LSR: variants seen among roughly 807,000 people sequenced by gnomAD.
LSR encodes lipolysis stimulated lipoprotein receptor, also known as lipolysis-stimulated lipoprotein receptor.
A neutral mutation model predicts 61.8 loss-of-function variants in LSR; 44 were observed. That is an observed-to-expected ratio of 0.71 (90% CI 0.56 to 0.91). LSR has a LOEUF of 0.91. LSR is among the 40% of genes least tolerant of loss of function. LSR has a pLI of 0.00. For synonymous variants in LSR, 397 were observed against 350.6 expected (o/e 1.13, Z -1.48); for missense variants, 911 against 830.5 (o/e 1.10, Z -1.19).
intron 2 of LSR, among the ~76,000 whole-genome samples, chr19:35,251,282 T>C (rs2065790260): frequency 6.6e-6 from 1 of 152,110 alleles, no homozygotes; most frequent in Non-Finnish European, 1.5e-5. Context: ...CGACACACAC[T>C]CTCAAGTCCT....
intron 1 of LSR, among the ~76,000 whole-genome samples, chr19:35,249,663 A>G (rs2065765208): frequency 6.6e-6 from 1 of 152,066 alleles, no homozygotes. Context: ...GTCTGGTGGG[A>G]TGGATTTACG....
At chr19:35,254,153 G>C (rs1225982372) in intron 2 of LSR, among the ~76,000 whole-genome samples, 3 of 152,166 alleles carry the variant, frequency 2.0e-5, no homozygotes, top group Admixed American at 1.3e-4. Context: ...GAGTGCAGTG[G>C]TGCAATCTCA....
Position 35,266,711 on chromosome 19 carries a change from C to G in LSR, c.985C>G (p.Arg329Gly), listed in dbSNP as rs1363977091. Residue 329 changes from arginine to glycine, a missense_variant, in exon 7 of 10, where the codon CGG becomes GGG. Transcript: ENST00000605618. ...CCAAGGCTCCTATGTACCCCTGCTTCGGGACACGGACAGCAGTGTGGCCTC... is the reference window on the plus strand; with the variant it reads ...CCAAGGCTCCTATGTACCCCTGCTTGGGGACACGGACAGCAGTGTGGCCTC... Reference protein sequence around the residue: ...GGQGSYVPLLRDTDSSVASEV... With the variant: ...GGQGSYVPLLGDTDSSVASEV... The G allele has an allele frequency of 1.2e-6, 2 of 1,608,852 alleles. No homozygotes were observed. Among genetic ancestry groups the G allele is most frequent in the East Asian group, 2.2e-5 (1 of 44,698 alleles).
chr19:35,265,463 T>A (rs2065984852), intron 5 of LSR, among the ~76,000 whole-genome samples: 1 of 152,214 alleles, frequency 6.6e-6, no homozygotes. Flanking sequence ...GCAGGCTGCC[T>A]GAGCTAATGA....
At chr19:35,253,019 TTGAAA>T (rs146944349) in intron 2 of LSR, among the ~76,000 whole-genome samples, 18,036 of 151,164 alleles carry the variant, frequency 0.12, 1,248 homozygotes, top group South Asian at 0.23. Context: ...AGACCCTGTC[TTGAAA>T]TGAAAAGAAA....
At position 35,267,679 on chromosome 19, in the gene LSR, C is replaced by A. The variant is rs756385880; in HGVS notation, c.1715C>A (p.Pro572Gln). 3 of 1,604,398 alleles carry A rather than the reference C, an allele frequency of 1.9e-6. No homozygotes were observed. In the East Asian group the frequency reaches 6.7e-5, roughly 36 times the overall value. Residue 572 changes from proline to glutamine, a missense_variant, in exon 9 of 10, where the codon CCG (proline) becomes CAG (glutamine). Physicochemically the swap from Pro to Gln is moderately conservative, Grantham distance 76. Transcript: ENST00000605618. Reference protein sequence around the residue: ...EEEEAYYPPAPPPYSETDSQA... With the variant: ...EEEEAYYPPAQPPYSETDSQA... ...GAAGAGGCCTACTACCCGCCCGCGC[C>A]GCCCCCGTACTCGGAGACCGACTCG...
In LSR at chr19:35,267,531, A is replaced by T; in HGVS notation, c.1567A>T (p.Thr523Ser). ...PADPRSHHHR[T>S]RDPRDNGSRS... ...CGACCCCAGGTCCCACCACCACCGT[A>T]CCCGGGACCCTCGGGACAACGGCTC... The change falls in exon 9 of 10, where the codon ACC becomes TCC. Residue 523 changes from threonine (T) to serine (S), a missense_variant. Coordinates refer to ENST00000605618, the MANE Select transcript of LSR (RefSeq NM_205834.4). 1 of 1,612,108 alleles carries T rather than the reference A, an allele frequency of 6.2e-7. No homozygotes were observed. Among genetic ancestry groups the T allele is most frequent in the South Asian group, 1.1e-5 (1 of 91,006 alleles).
rs2066044056 is a variant in LSR at position 35,267,752 on chromosome 19, T to G, written c.1770+18T>G. The stretch of plus-strand genomic sequence containing the variant: ...TCAAGAAGGTGAGGGCCGCCCTCCC[T>G]GGCGTCCAGACCGTCCCTGGGCCCC... On this transcript the variant is annotated intron_variant, in intron 9 of 9. Coordinates refer to ENST00000605618, the MANE Select transcript of LSR (RefSeq NM_205834.4). 2 of 1,611,010 alleles carry G rather than the reference T, an allele frequency of 1.2e-6. No homozygotes were observed. The highest frequency in any genetic ancestry group is 2.7e-5 in the African/African-American group (2 of 74,566).
At chr19:35,261,051 T>C (rs1460733709) in intron 3 of LSR, among the ~76,000 whole-genome samples, 1 of 152,242 alleles carries the variant, frequency 6.6e-6, no homozygotes, top group Non-Finnish European at 1.5e-5. Context: ...TGCGAGGGCC[T>C]ATAGTGCCAA....
chr19:35,257,887 G>A (rs1319697205), intron 2 of LSR, among the ~76,000 whole-genome samples: 1 of 152,168 alleles, frequency 6.6e-6, no homozygotes, highest in African/African-American at 2.4e-5. Context: ...AGACAAGAGC[G>A]TCCCCAAGCC....
intron 2 of LSR, among the ~76,000 whole-genome samples, chr19:35,256,069 A>G (rs1307844538): frequency 1.3e-5 from 2 of 152,148 alleles, no homozygotes; most frequent in Non-Finnish European, 2.9e-5. Context: ...ACCTGTCTCT[A>G]CTAAAAATAC....
At chr19:35,250,117 C>A (rs2065771186) in intron 1 of LSR, among the ~76,000 whole-genome samples, 198 bp from the exon 2 acceptor site, 1 of 152,158 alleles carries the variant, frequency 6.6e-6, no homozygotes, top group African/African-American at 2.4e-5. Context: ...GTGCACCTGC[C>A]ACTTCAGCCC....
At position 35,249,337 on chromosome 19, in the gene LSR, GGAA is replaced by G. The variant is rs1304870235; in HGVS notation, c.109+209_109+211del. 6.8e-5 allele frequency: 40 copies of G among 589,956 alleles called. No individual in the cohort carries two copies. In the Admixed American group the frequency reaches 1.5e-3, roughly 23 times the overall value. 36.5% of individuals were successfully genotyped at this position (589,956 alleles called of 1,614,324 possible). ...GGGAGCGCTCCCCGCGCCCTTATCT[GGAA>G]GATAGCAGGAAGTGAAACTCCCTGG... On this transcript the variant is annotated intron_variant, in intron 1 of 9. Transcript: ENST00000605618.
At chr19:35,259,996 G>A (rs893834436) in intron 3 of LSR, among the ~76,000 whole-genome samples, 5 of 152,186 alleles carry the variant, frequency 3.3e-5, no homozygotes, top group African/African-American at 7.2e-5. Context: ...GAGTGATGCC[G>A]CTGGGCTGTA....
chr19:35,258,799 A>C, intron 2 of LSR, 146 bp from the exon 3 acceptor site: 1 of 973,362 alleles, frequency 1.0e-6, no homozygotes, highest in Non-Finnish European at 1.6e-6. Context: ...CTTGGTAGGA[A>C]TCTTTGCATA....
Position 35,267,131 on chromosome 19 carries a change from C to T in LSR, c.1167C>T (p.Leu389=). The change falls in exon 9 of 10, where the codon CTC becomes CTT. Residue 389 remains leucine (L), a synonymous_variant. Coordinates refer to ENST00000605618, the MANE Select transcript of LSR (RefSeq NM_205834.4). ...VERAMSEVTS[L]HEDDWRSRPS... ...CAGCCATGAGTGAAGTCACCTCCCT[C>T]CACGAGGACGACTGGCGATCTCGGC... 2 of 1,529,496 alleles carry T rather than the reference C, an allele frequency of 1.3e-6. No homozygotes were observed. Among genetic ancestry groups the T allele is most frequent in the Non-Finnish European group, 1.7e-6 (2 of 1,142,940 alleles). 94.7% of individuals were successfully genotyped at this position (1,529,496 alleles called of 1,614,324 possible). A position where few individuals can be genotyped will look rare whatever the true frequency, so the allele number is the denominator to read the frequency against.
rs759562432 is a variant in LSR, at chr19:35,267,511, C to A, written c.1547C>A (p.Pro516His). The change falls in exon 9 of 10, where the codon CCC becomes CAC. Residue 516 changes from proline to histidine, a missense_variant. Transcript: ENST00000605618. The stretch of plus-strand genomic sequence containing the variant: ...TCTCGGGAGCGCCCTCCTGCCGACC[C>A]CAGGTCCCACCACCACCGTACCCGG... ...FRSRERPPAD[P>H]RSHHHRTRDP... is the part of the protein sequence containing the mutation. 3.7e-6 allele frequency: 6 copies of A among 1,611,868 alleles called. No homozygotes were observed. Among genetic ancestry groups the A allele is most frequent in the Non-Finnish European group, 3.4e-6 (4 of 1,179,756 alleles).
intron 5 of LSR, 49 bp downstream of exon 5, chr19:35,262,741 C>T: frequency 1.3e-6 from 2 of 1,594,004 alleles, no homozygotes; most frequent in East Asian, 2.2e-5. Context: ...ATCCTGCATC[C>T]AAGGGAAGGA....
rs767175444 is a variant in LSR, at chr19:35,250,428, A to G, written c.223A>G (p.Ile75Val). Residue 75 changes from isoleucine (I) to valine (V), a missense_variant, in exon 2 of 10, where the codon ATC (isoleucine) becomes GTC (valine). Coordinates refer to ENST00000605618, the MANE Select transcript of LSR (RefSeq NM_205834.4). ...GATGACCTCGACCCCCACGCAACCC[A>G]TCGTCATCTGGAAGTACAAGTCTTT... The part of the protein sequence containing the change: ...YQMTSTPTQP[I>V]VIWKYKSFCR... The G allele has an allele frequency of 3.7e-6, 6 of 1,613,874 alleles. No homozygotes were observed. Among genetic ancestry groups the G allele is most frequent in the Non-Finnish European group, 5.1e-6 (6 of 1,179,936 alleles).
Sources: gnomAD v4.1 joint callset for allele counts (sites outside exome capture counted in the v4.1 genomes callset) on GRCh38, gnomAD v4.1.1 for gene constraint, MANE v1.5 for transcripts, NCBI Gene and HGNC (gene_info 2026-07-23, HGNC 2026-07-21) for gene names.